SLC22A4: variants seen among roughly 807,000 people sequenced by gnomAD.
SLC22A4 encodes the protein ET transporter.
SLC22A4 carries 39 observed loss-of-function variants against 56.6 expected under a neutral mutation model. The ratio of observed to expected loss-of-function variants is 0.69; its 90% CI spans 0.53 to 0.90. The LOEUF is 0.90. Ranked by LOEUF, SLC22A4 falls within the 40% of genes least tolerant of loss-of-function variation. The pLI is 0.00. For missense variants in SLC22A4, 594 were observed against 696.5 expected (o/e 0.85, Z 1.66); for synonymous variants, 241 against 281.4 (o/e 0.86, Z 1.44).
At chr5:132,331,683 C>A in intron 5 of SLC22A4, 73 bp from the exon 6 acceptor site, 1 of 1,057,114 alleles carries the variant, frequency 9.5e-7, no homozygotes, top group South Asian at 1.3e-5. Flanking sequence ...TAAGTTTTCC[C>A]CATGCATCAT....
At position 132,294,914 on chromosome 5, in the gene SLC22A4, G is replaced by A. The variant is rs1426169528; in HGVS notation, c.298G>A (p.Gly100Arg). The A allele has an allele frequency of 1.3e-6, 2 of 1,596,018 alleles. No homozygotes were observed. The highest frequency in any genetic ancestry group is 8.5e-7 in the Non-Finnish European group (1 of 1,172,122). ...ANFSALGLEPGRDVDLGQLEQ... is the reference protein window; with the variant it reads ...ANFSALGLEPRRDVDLGQLEQ... The stretch of plus-strand genomic sequence containing the variant: ...CTTCTCGGCGCTCGGGCTGGAGCCG[G>A]GGCGCGACGTGGACCTGGGGCAGCT... Residue 100 changes from glycine (G) to arginine (R), a missense_variant, in exon 1 of 10, where the codon GGG becomes AGG. Physicochemically the swap from Gly to Arg is moderately radical, Grantham distance 125. Coordinates refer to ENST00000200652, the MANE Select transcript of SLC22A4 (RefSeq NM_003059.3). The surrounding 1 kb of genome is among the most constrained non-coding windows in gnomAD (Gnocchi z 5.6).
rs139058663 is a variant in SLC22A4, at chr5:132,297,668, C to T, written c.393+2659C>T. Reference sequence around the variant, plus strand: ...TTTGTACCCTTAAAAATAGTTACTACAAAAAGAAAAAAAAAACACCCAGAA... The same window carrying T: ...TTTGTACCCTTAAAAATAGTTACTATAAAAAGAAAAAAAAAACACCCAGAA... On this transcript the variant is annotated intron_variant, in intron 1 of 9. Transcript: ENST00000200652. Among the ~76,000 whole-genome samples, 79 of 149,630 alleles carry T rather than the reference C, an allele frequency of 5.3e-4. No homozygotes were observed. The East Asian group carries it at 0.014, about 26-fold the overall frequency.
rs140181721 is a variant in SLC22A4 at position 132,332,489 on chromosome 5, G to A, written c.1046+639G>A. On this transcript the variant is annotated intron_variant, in intron 6 of 9. Coordinates refer to ENST00000200652, the MANE Select transcript of SLC22A4 (RefSeq NM_003059.3). ...GACTAATGATGTCCGTGTTGCCTGA[G>A]GCAGAGATGCTAATTCAGCTCCTGC... Among the ~76,000 whole-genome samples, 7 of 152,180 alleles carry A rather than the reference G, an allele frequency of 4.6e-5. No homozygotes were observed. The East Asian group carries it at 1.3e-3, about 29-fold the overall frequency.
chr5:132,341,116 CA>C lies in SLC22A4; in HGVS notation c.1580+424del, dbSNP rs1288344232. 3.4e-5 allele frequency among the ~76,000 whole-genome samples: 5 copies of C among 148,558 alleles called. No individual in the cohort carries two copies. The East Asian group carries it at 6.0e-4, about 18-fold the overall frequency. Reference sequence around the variant, plus strand: ...GGGCAACAAGAGCAAAACTCCGTCTCAAAAAAAATAAATAAATAATAGGCCA... The same window carrying C: ...GGGCAACAAGAGCAAAACTCCGTCTCAAAAAAATAAATAAATAATAGGCCA... On this transcript the variant is annotated intron_variant, in intron 9 of 9. Transcript: ENST00000200652.
intron 5 of SLC22A4, among the ~76,000 whole-genome samples, chr5:132,331,150 T>G (rs959028720): frequency 2.0e-5 from 3 of 152,086 alleles, no homozygotes; most frequent in Admixed American, 2.0e-4. Context: ...CTGGCCAACA[T>G]GGTGAAACCC....
intron 9 of SLC22A4, among the ~76,000 whole-genome samples, chr5:132,341,940 C>T (rs1315038707): frequency 6.6e-6 from 1 of 150,720 alleles, no homozygotes; most frequent in Non-Finnish European, 1.5e-5. Flanking sequence ...GAGCGAGACT[C>T]CGTCTCCAAA....
At chr5:132,332,107 A>T (rs756375138) in intron 6 of SLC22A4, 18 of 418,844 alleles carry the variant, frequency 4.3e-5, no homozygotes, top group Non-Finnish European at 8.0e-5. Context: ...TGAGGTCAGG[A>T]GTTCGAGACG....
rs1315451980 is a variant in SLC22A4, at chr5:132,327,420, G to A, written c.951+17G>A. Reference sequence around the variant, plus strand: ...TCTGTGGAGGTAAGCATTTGCAGATGTTTCCTCTTGAGATCAGCTATGCAT... The same window carrying A: ...TCTGTGGAGGTAAGCATTTGCAGATATTTCCTCTTGAGATCAGCTATGCAT... On this transcript the variant is annotated intron_variant, in intron 5 of 9. Coordinates refer to ENST00000200652, the MANE Select transcript of SLC22A4 (RefSeq NM_003059.3). 6.2e-7 allele frequency: 1 copy of A among 1,606,532 alleles called. No homozygotes were observed. Among genetic ancestry groups the A allele is most frequent in the Non-Finnish European group, 8.5e-7 (1 of 1,173,284 alleles).
chr5:132,338,561 A>G (rs1751097128), intron 8 of SLC22A4, among the ~76,000 whole-genome samples: 1 of 152,198 alleles, frequency 6.6e-6, no homozygotes, highest in Admixed American at 6.5e-5. Context: ...TTTCATCCCT[A>G]CAGCTACAAC....
intron 9 of SLC22A4, among the ~76,000 whole-genome samples, chr5:132,343,023 T>A (rs1403322375): frequency 1.3e-5 from 2 of 152,164 alleles, no homozygotes; most frequent in African/African-American, 4.8e-5. Context: ...CCTGAAGCTA[T>A]CTAAGGGCCC....
chr5:132,303,710 A>C (rs1749958135), intron 1 of SLC22A4, among the ~76,000 whole-genome samples: 1 of 152,210 alleles, frequency 6.6e-6, no homozygotes, highest in African/African-American at 2.4e-5. Context: ...ACAAGTTGAG[A>C]ATATTAGAGC....
intron 1 of SLC22A4, among the ~76,000 whole-genome samples, chr5:132,307,926 A>G (rs1178847948): frequency 6.6e-6 from 1 of 152,110 alleles, no homozygotes; most frequent in Non-Finnish European, 1.5e-5. Context: ...GCTGAGGGTG[A>G]TTTTCCAAGT....
At position 132,330,634 on chromosome 5, in the gene SLC22A4, G is replaced by T. The variant is rs530853465; in HGVS notation, c.952-1122G>T. Among the ~76,000 whole-genome samples the T allele has an allele frequency of 1.4e-4, 22 of 152,250 alleles. No homozygotes were observed. In the South Asian group the frequency reaches 4.6e-3, roughly 32 times the overall value. On this transcript the variant is annotated intron_variant, in intron 5 of 9. Coordinates refer to ENST00000200652, the MANE Select transcript of SLC22A4 (RefSeq NM_003059.3). ...CCAGCTACTCAGGAGGCTGAGGCAG[G>T]GGAATTGCTTGAACCTGGGAGGCGG... is the stretch of plus-strand genomic sequence containing the variant.
intron 4 of SLC22A4, chr5:132,324,333 C>T (rs1750621966): frequency 1.4e-5 from 5 of 348,808 alleles, no homozygotes; most frequent in South Asian, 6.4e-5. Context: ...TATGTCACAG[C>T]GAGGAACGAA....
chr5:132,300,813 G>A (rs1749891062), intron 1 of SLC22A4, among the ~76,000 whole-genome samples: 1 of 152,222 alleles, frequency 6.6e-6, no homozygotes, highest in Non-Finnish European at 1.5e-5. Flanking sequence ...GGCAGCAGTT[G>A]AGCAGGAACG....
chr5:132,313,106 A>G (rs1409380112), intron 2 of SLC22A4, among the ~76,000 whole-genome samples: 1 of 152,234 alleles, frequency 6.6e-6, no homozygotes, highest in Non-Finnish European at 1.5e-5. Context: ...AAACTTTCCC[A>G]AATCCTAATA....
At chr5:132,336,197 C>T (rs1171927527) in intron 8 of SLC22A4, among the ~76,000 whole-genome samples, 197 bp downstream of exon 8, 1 of 152,148 alleles carries the variant, frequency 6.6e-6, no homozygotes, top group Non-Finnish European at 1.5e-5. Flanking sequence ...TTTTGCACAA[C>T]ATCATGTACA....
chr5:132,337,054 G>A (rs970992512), intron 8 of SLC22A4, among the ~76,000 whole-genome samples: 4 of 151,610 alleles, frequency 2.6e-5, no homozygotes, highest in South Asian at 2.1e-4. Context: ...ACATTACAAC[G>A]AACATTCTCC....
intron 1 of SLC22A4, among the ~76,000 whole-genome samples, chr5:132,304,406 C>T (rs1465525085): frequency 2.0e-5 from 3 of 152,164 alleles, no homozygotes; most frequent in Non-Finnish European, 2.9e-5. Context: ...CACCTGAGGC[C>T]GGGAGTTTGA....
Sources: gnomAD v4.1 joint callset for allele counts (sites outside exome capture counted in the v4.1 genomes callset) on GRCh38, gnomAD v4.1.1 for gene constraint, Gnocchi (gnomAD v3.1) non-coding constraint, MANE v1.5 for transcripts, NCBI Gene and HGNC (gene_info 2026-07-23, HGNC 2026-07-21) for gene names.